Variants in PIK3C2G observed in about 807,000 individuals in gnomAD.
PIK3C2G encodes the protein phosphatidylinositol 3-kinase C2 domain-containing subunit gamma.
Under a neutral mutation model 181.1 loss-of-function variants are expected in PIK3C2G, and 168 were observed. The observed-to-expected ratio is 0.93, with a 90% CI of 0.82 to 1.05. The LOEUF (loss-of-function observed/expected upper bound fraction) is 1.05, where lower values mean the gene tolerates loss of function less well. Ranked by LOEUF, PIK3C2G falls within the 50% of genes least tolerant of loss-of-function variation. The pLI is 0.00. For missense variants in PIK3C2G, 1,869 were observed against 1,732.8 expected (o/e 1.08, Z -1.40); for synonymous variants, 573 against 592.2 (o/e 0.97, Z 0.47).
downstream of PIK3C2G, among the ~76,000 whole-genome samples, chr12:18,650,349 G>T (rs61914458): frequency 1.1e-4 from 10 of 92,122 alleles, 1 homozygote; most frequent in African/African-American, 5.0e-4. Flanking sequence ...ATATATATAT[G>T]TGTGTGTGTG....
rs557413724 is a variant in PIK3C2G at position 18,358,855 on chromosome 12, A to T, written c.1626-3909A>T. The T allele has an allele frequency of 2.6e-4, 45 of 175,928 alleles. No homozygotes were observed. In the South Asian group the frequency reaches 5.6e-3, roughly 22 times the overall value. The allele number at this position is 175,928 out of a possible 1,614,324, so 10.9% of individuals were successfully genotyped here. A position where few individuals can be genotyped will look rare whatever the true frequency, so the allele number is the denominator to read the frequency against. ...AGAGTTGATGCCATAAGGTGGAGGA[A>T]CCTCACCTGAAGCCTTCTCAGGTTC... On this transcript the variant is annotated intron_variant, in intron 11 of 32. Coordinates refer to ENST00000538779, the MANE Select transcript of PIK3C2G (RefSeq NM_001288772.2).
chr12:18,370,652 A>G (rs1299477608), intron 12 of PIK3C2G, among the ~76,000 whole-genome samples: 1 of 151,974 alleles, frequency 6.6e-6, no homozygotes, highest in Non-Finnish European at 1.5e-5. Flanking sequence ...ATCCTCCACA[A>G]TCTCCCCTAT....
chr12:18,395,084 C>CTTCTTTCTTTCT lies in PIK3C2G; in HGVS notation c.2126+3840_2126+3851dup, dbSNP rs1211076005. On this transcript the variant is annotated intron_variant, in intron 15 of 32. Coordinates refer to ENST00000538779, the MANE Select transcript of PIK3C2G (RefSeq NM_001288772.2). ...CCTTCTTTCCCTGCCTCTTTCATTC[C>CTTCTTTCTTTCT]TTCTTTCTTTCTTTCTTTCATTCTT... Among the ~76,000 whole-genome samples, 55 of 141,580 alleles carry CTTCTTTCTTTCT rather than the reference C, an allele frequency of 3.9e-4. 2 individuals carry two copies. Among genetic ancestry groups the CTTCTTTCTTTCT allele is most frequent in the African/African-American group, 1.2e-3 (47 of 38,422 alleles). 92.9% of individuals were successfully genotyped at this position (141,580 alleles called of 152,430 possible).
At chr12:18,651,502 G>A (rs1376685859), downstream of PIK3C2G, among the ~76,000 whole-genome samples, 1 of 152,106 alleles carries the variant, frequency 6.6e-6, no homozygotes, top group Non-Finnish European at 1.5e-5. Context: ...AGACTATCAG[G>A]AAGTTTAGTT....
intron 29 of PIK3C2G, among the ~76,000 whole-genome samples, chr12:18,576,945 T>G (rs1006234008): frequency 6.6e-6 from 1 of 152,212 alleles, no homozygotes; most frequent in African/African-American, 2.4e-5. Flanking sequence ...GAGGGCTGTC[T>G]TACTGATTAT....
intron 18 of PIK3C2G, among the ~76,000 whole-genome samples, chr12:18,478,511 C>T (rs1939230599): frequency 2.0e-5 from 3 of 152,084 alleles, no homozygotes; most frequent in Admixed American, 2.0e-4. Context: ...ACCAAGGAGG[C>T]CAGACCCTTT....
At chr12:18,527,814 T>G (rs904517550) in intron 24 of PIK3C2G, among the ~76,000 whole-genome samples, 1 of 152,164 alleles carries the variant, frequency 6.6e-6, no homozygotes, top group Non-Finnish European at 1.5e-5. Flanking sequence ...AATAGTTGTT[T>G]TAATCACCCT....
intron 26 of PIK3C2G, among the ~76,000 whole-genome samples, chr12:18,559,809 TATATATATATATAGAGAG>T (rs1259177225): frequency 1.2e-3 from 43 of 37,382 alleles, no homozygotes; most frequent in African/African-American, 1.8e-3. Context: ...TATATATATA[TATATATATATATAGAGAG>T]AGAGAGAGAG....
the PIK3C2G span, chr12:18,692,632 G>T: frequency 3.4e-6 from 2 of 595,356 alleles, no homozygotes; most frequent in East Asian, 2.9e-5. Flanking sequence ...CCGCAATGGG[G>T]CAGGAGGACT....
At position 18,488,425 on chromosome 12, in the gene PIK3C2G, T is replaced by A. The variant is rs1940254437; in HGVS notation, c.2505-24T>A. The stretch of plus-strand genomic sequence containing the variant: ...AAAAAATTAGCTTTACATACAAGAA[T>A]TTTTTTCTCTCTCTTTCCTTCAGGC... On this transcript the variant is annotated intron_variant, in intron 18 of 32. Transcript: ENST00000538779. The A allele has an allele frequency of 2.7e-6, 4 of 1,459,314 alleles. No homozygotes were observed. The South Asian group carries it at 5.8e-5, about 21-fold the overall frequency. The allele number at this position is 1,459,314 out of a possible 1,614,324, so 90.4% of individuals were successfully genotyped here. A position where few individuals can be genotyped will look rare whatever the true frequency, so the allele number is the denominator to read the frequency against.
chr12:18,268,327 C>T (rs1948595381), intron 1 of PIK3C2G, among the ~76,000 whole-genome samples: 1 of 151,788 alleles, frequency 6.6e-6, no homozygotes, highest in Admixed American at 6.6e-5. Context: ...GTTATGTTAC[C>T]AGCCAGATAC....
chr12:18,641,743 C>CTTTGTTTTTTT (rs1949850609), intron 32 of PIK3C2G, among the ~76,000 whole-genome samples: 1 of 93,164 alleles, frequency 1.1e-5, no homozygotes, highest in African/African-American at 4.9e-5. Flanking sequence ...CTCTCTCAAG[C>CTTTGTTTTTTT]TTTTTTTTTT....
intron 22 of PIK3C2G, among the ~76,000 whole-genome samples, chr12:18,499,049 C>A (rs568482334): frequency 3.9e-5 from 6 of 152,264 alleles, no homozygotes; most frequent in Admixed American, 2.6e-4. Context: ...TTACTGATCC[C>A]AGTGGAATTT....
intron 24 of PIK3C2G, among the ~76,000 whole-genome samples, chr12:18,537,542 G>C (rs1943924871): frequency 6.6e-6 from 1 of 151,986 alleles, no homozygotes; most frequent in Admixed American, 6.6e-5. Context: ...TCCATCCTTA[G>C]ACTACAGTGG....
rs114570952 is a variant in PIK3C2G, at chr12:18,505,966, G to A, written c.3323+505G>A. Among the ~76,000 whole-genome samples, 757 of 152,270 alleles carry A rather than the reference G, an allele frequency of 5.0e-3. 7 individuals carry two copies. The highest frequency in any genetic ancestry group is 0.018 in the African/African-American group (730 of 41,554). ...CACAAACCCTGATCTCTTTCTAGTA[G>A]GGGTGACAGACATTAAACAAGTTTA... On this transcript the variant is annotated intron_variant, in intron 24 of 32. Transcript: ENST00000538779.
the PIK3C2G span, among the ~76,000 whole-genome samples, chr12:18,714,105 A>G: frequency 6.6e-6 from 1 of 152,218 alleles, no homozygotes; most frequent in Non-Finnish European, 1.5e-5. Context: ...TGCCATCATG[A>G]AATAGGTCAT....
At chr12:18,699,165 G>A in the PIK3C2G span, among the ~76,000 whole-genome samples, 1 of 152,090 alleles carries the variant, frequency 6.6e-6, no homozygotes, top group Non-Finnish European at 1.5e-5. Flanking sequence ...TGTGCAGTGG[G>A]GCATGCACAC....
At chr12:18,711,870 G>A in the PIK3C2G span, among the ~76,000 whole-genome samples, 1 of 152,030 alleles carries the variant, frequency 6.6e-6, no homozygotes, top group South Asian at 2.1e-4. Flanking sequence ...TACATGTTTA[G>A]GAGAATCAGT....
the PIK3C2G span, among the ~76,000 whole-genome samples, chr12:18,697,886 A>C: frequency 1.3e-5 from 2 of 151,858 alleles, no homozygotes; most frequent in South Asian, 4.2e-4. Context: ...ATTATTTACT[A>C]TAACTTTTGG....
Sources: allele counts gnomAD v4.1 joint callset (sites outside exome capture counted in the v4.1 genomes callset), GRCh38; gene constraint gnomAD v4.1.1; transcripts MANE v1.5; gene names NCBI Gene and HGNC (gene_info 2026-07-23, HGNC 2026-07-21).